The following PIKFYVE variants were observed in gnomAD, a reference collection of about 807,000 sequenced individuals.
The protein encoded by PIKFYVE is 1-phosphatidylinositol 3-phosphate 5-kinase.
In PIKFYVE, 122 loss-of-function variants were observed where a neutral mutation model predicts 257.9. The ratio of observed to expected loss-of-function variants is 0.47; its 90% confidence interval spans 0.41 to 0.55. The LOEUF (loss-of-function observed/expected upper bound fraction) is 0.55, where lower values mean the gene tolerates loss of function less well. Among genes scored for constraint, PIKFYVE ranks in the 20% least tolerant of loss-of-function variants. The probability of loss-of-function intolerance (pLI) is 0.00; values close to 1 mark genes in which losing one functional copy is unlikely to be tolerated. For synonymous variants in PIKFYVE, 892 were observed against 868.9 expected, an observed-to-expected ratio of 1.03 and a Z score of -0.47; for missense variants, 2,160 against 2,536.6, an observed-to-expected ratio of 0.85 and a Z score of 3.19.
At position 208,271,702 on chromosome 2, in the gene PIKFYVE, T is replaced by A; in HGVS notation, c.172+11T>A. The A allele has an allele frequency of 6.2e-7, 1 of 1,608,320 alleles. No homozygotes were observed. The highest frequency in any genetic ancestry group is 8.5e-7 in the Non-Finnish European group (1 of 1,174,836). Reference sequence around the variant, plus strand: ...TTCGTTTTAACAAAGGTAAGACTTATTAAAGATAAGAGGTTTGATTCAGGT... The same window carrying A: ...TTCGTTTTAACAAAGGTAAGACTTAATAAAGATAAGAGGTTTGATTCAGGT... On this transcript the variant is annotated intron_variant, in intron 2 of 41. Transcript: ENST00000264380.
At chr2:208,345,510 G>T (rs1265039192) in intron 33 of PIKFYVE, among the ~76,000 whole-genome samples, 1 of 152,032 alleles carries the variant, frequency 6.6e-6, no homozygotes, top group Non-Finnish European at 1.5e-5. Flanking sequence ...GTAAGCTCCT[G>T]CTTGACTTGG....
chr2:208,293,162 A>G (rs1343952093), intron 7 of PIKFYVE, among the ~76,000 whole-genome samples: 23 of 150,590 alleles, frequency 1.5e-4, no homozygotes, highest in Admixed American at 1.5e-3. Flanking sequence ...ATAATACTAT[A>G]CTACTTCACA....
At chr2:208,346,204 A>G in intron 34 of PIKFYVE, 57 bp downstream of exon 34, 2 of 1,391,988 alleles carry the variant, frequency 1.4e-6, no homozygotes, top group Non-Finnish European at 2.0e-6. Context: ...TTATGGTTTG[A>G]AAAAGAAAAT....
chr2:208,292,142 C>T (rs1241066915), intron 7 of PIKFYVE, among the ~76,000 whole-genome samples: 1 of 151,762 alleles, frequency 6.6e-6, no homozygotes, highest in Non-Finnish European at 1.5e-5. Flanking sequence ...TAGTTTGATT[C>T]CATGTTGGTT....
At chr2:208,338,302 A>G (rs560968151) in intron 28 of PIKFYVE, among the ~76,000 whole-genome samples, 1 of 152,294 alleles carries the variant, frequency 6.6e-6, no homozygotes, top group South Asian at 2.1e-4. Flanking sequence ...TGCACATTTA[A>G]TAACTTTCTC....
intron 9 of PIKFYVE, among the ~76,000 whole-genome samples, chr2:208,301,875 T>C (rs1323674829): frequency 6.6e-6 from 1 of 152,214 alleles, no homozygotes; most frequent in Non-Finnish European, 1.5e-5. Context: ...TATGGCTGTA[T>C]CTGTAATATT....
In PIKFYVE at chr2:208,324,912, A is replaced by C. The variant is rs1696741675; in HGVS notation, c.2333A>C (p.Gln778Pro). Residue 778 changes from glutamine (Q) to proline (P), a missense_variant and splice_region_variant, in exon 19 of 42, where the codon CAA (glutamine) becomes CCA (proline). By Grantham distance (76) the Gln-to-Pro change is moderately conservative. Coordinates refer to ENST00000264380, the MANE Select transcript of PIKFYVE (RefSeq NM_015040.4). ...GITLVINVKS[Q>P]VLERISRMTQ... ...ATACAATGTTTTTCTGTTTTGTAGC[A>C]AGTTTTGGAACGAATCAGTCGAATG... The C allele has an allele frequency of 5.0e-6, 8 of 1,613,888 alleles. No individual in the cohort carries two copies. Among genetic ancestry groups the C allele is most frequent in the Non-Finnish European group, 6.8e-6 (8 of 1,179,808 alleles).
Position 208,301,100 on chromosome 2 carries a change from C to G in PIKFYVE, c.1208+6C>G, listed in dbSNP as rs1693622350. 2 of 1,613,550 alleles carry G rather than the reference C, an allele frequency of 1.2e-6. No homozygotes were observed. Among genetic ancestry groups the G allele is most frequent in the African/African-American group, 1.3e-5 (1 of 74,910 alleles). ...AATGGGCATATTGCCACAAGGTATTCTGATCTTAGAAGGTTTCAATATTAT... is the reference window on the plus strand; with the variant it reads ...AATGGGCATATTGCCACAAGGTATTGTGATCTTAGAAGGTTTCAATATTAT... On this transcript the variant is annotated splice_donor_region_variant and intron_variant, in intron 9 of 41. Transcript: ENST00000264380.
At chr2:208,354,228 A>C (rs1481532874) in intron 40 of PIKFYVE, 69 bp downstream of exon 40, 2 of 1,522,932 alleles carry the variant, frequency 1.3e-6, no homozygotes, top group Non-Finnish European at 9.0e-7. Context: ...GATTCTATTG[A>C]ACCTGGTCTA....
Position 208,352,673 on chromosome 2 carries a change from A to G in PIKFYVE, c.5735A>G (p.Lys1912Arg), listed in dbSNP as rs764307880. Residue 1912 changes from lysine (K) to arginine (R), a missense_variant, in exon 39 of 42, where the codon AAA (lysine) becomes AGA (arginine). Transcript: ENST00000264380. ...VQQKRPTALAKILGVYRIGYK... is the reference protein window; with the variant it reads ...VQQKRPTALARILGVYRIGYK... ...GATTAGAGGCCCACGGCGTTGGCCAAAATTCTTGGAGTTTACAGAATTGGT... is the reference window on the plus strand; with the variant it reads ...GATTAGAGGCCCACGGCGTTGGCCAGAATTCTTGGAGTTTACAGAATTGGT... The G allele has an allele frequency of 1.1e-5, 17 of 1,613,794 alleles. No homozygotes were observed. The highest frequency in any genetic ancestry group is 6.6e-5 in the South Asian group (6 of 91,032).
intron 1 of PIKFYVE, among the ~76,000 whole-genome samples, chr2:208,270,469 T>C (rs1252740209): frequency 6.6e-6 from 1 of 152,226 alleles, no homozygotes; most frequent in Non-Finnish European, 1.5e-5. Flanking sequence ...ATTGCTTTGG[T>C]TGAAATATGA....
chr2:208,335,319 C>T lies in PIKFYVE; in HGVS notation c.4156C>T (p.Arg1386Trp), dbSNP rs188498825. ...TTTTCTTCTCAGTTATTCTCCCATT[C>T]GGCTTCTTGAAGTATGTGTTCCACT... ...MVASFSYSPI[R>W]LLEVCVPLPK... Residue 1386 changes from arginine (R) to tryptophan (W), a missense_variant, in exon 25 of 42, where the codon CGG (arginine) becomes TGG (tryptophan). Around this residue, in one of 12 missense-constraint regions of PIKFYVE, gnomAD observed 699 missense variants for 855.8 expected, o/e 0.82. Coordinates refer to ENST00000264380, the MANE Select transcript of PIKFYVE (RefSeq NM_015040.4). 1,052 of 1,603,660 alleles carry T rather than the reference C, an allele frequency of 6.6e-4. 5 individuals carry two copies. Among genetic ancestry groups the T allele is most frequent in the Middle Eastern group, 1.7e-3 (10 of 6,040 alleles).
chr2:208,350,696 G>A (rs937986646), intron 36 of PIKFYVE, 75 bp from the exon 37 acceptor site: 10 of 1,512,606 alleles, frequency 6.6e-6, no homozygotes, highest in Middle Eastern at 4.6e-4. Context: ...GGCCAGGGTA[G>A]GGAGTGAGGG....
rs1700260174 is a variant in PIKFYVE, at chr2:208,358,068, C to T, written c.*2763C>T. ...AATATTTTATAGATATTCAAAATTT[C>T]CTACAAACTATAATTTTTTCCATGA... On this transcript the variant is annotated 3_prime_UTR_variant, in exon 42 of 42. Coordinates refer to ENST00000264380, the MANE Select transcript of PIKFYVE (RefSeq NM_015040.4). The T allele has an allele frequency of 6.6e-6, 1 of 152,272 alleles. No individual in the cohort carries two copies. The highest frequency in any genetic ancestry group is 1.9e-4 in the East Asian group (1 of 5,190). 9.4% of individuals were successfully genotyped at this position (152,272 alleles called of 1,614,324 possible). A position where few individuals can be genotyped will look rare whatever the true frequency, so the allele number is the denominator to read the frequency against.
intron 31 of PIKFYVE, among the ~76,000 whole-genome samples, chr2:208,340,949 G>A (rs998201196): frequency 6.6e-6 from 1 of 151,826 alleles, no homozygotes; most frequent in Non-Finnish European, 1.5e-5. Flanking sequence ...TCTTGATTGG[G>A]CTTGGATCCC....
Position 208,315,207 on chromosome 2 carries a change from A to C in PIKFYVE, c.1841A>C (p.Asn614Thr). 1 of 1,613,822 alleles carries C rather than the reference A, an allele frequency of 6.2e-7. No homozygotes were observed. Among genetic ancestry groups the C allele is most frequent in the Non-Finnish European group, 8.5e-7 (1 of 1,179,728 alleles). The change falls in exon 15 of 42, where the codon AAC becomes ACC. Residue 614 changes from asparagine (N) to threonine (T), a missense_variant. By Grantham distance (65) the Asn-to-Thr change is moderately conservative. Coordinates refer to ENST00000264380, the MANE Select transcript of PIKFYVE (RefSeq NM_015040.4). ...TATTTTTGTAGTTCAGCTAATCATAACCACATGATGGCACTACTCCAGCAG... is the reference window on the plus strand; with the variant it reads ...TATTTTTGTAGTTCAGCTAATCATACCCACATGATGGCACTACTCCAGCAG... ...AMERLLSANH[N>T]HMMALLQQLL...
chr2:208,318,209 G>T (rs1483643995), intron 16 of PIKFYVE, among the ~76,000 whole-genome samples: 1 of 152,198 alleles, frequency 6.6e-6, no homozygotes, highest in Non-Finnish European at 1.5e-5. Flanking sequence ...TAAGATACTG[G>T]CATTATTTAT....
chr2:208,326,552 A>ATTTTTGTTTT (rs1286124941), intron 20 of PIKFYVE, 123 bp downstream of exon 20: 1 of 1,096,148 alleles, frequency 9.1e-7, no homozygotes, highest in Non-Finnish European at 1.4e-6. Flanking sequence ...TTCTTCTCCT[A>ATTTTTGTTTT]TGCTATTTTT....
chr2:208,287,577 G>A (rs1691751170), intron 6 of PIKFYVE, among the ~76,000 whole-genome samples: 1 of 151,582 alleles, frequency 6.6e-6, no homozygotes, highest in African/African-American at 2.4e-5. Context: ...CCTGGCCAGA[G>A]TTTCTTTTTC....
Sources: gnomAD v4.1 joint callset for allele counts (sites outside exome capture counted in the v4.1 genomes callset) on GRCh38, gnomAD v4.1.1 for gene constraint, gnomAD v4.1.1 regional missense constraint, MANE v1.5 for transcripts, NCBI Gene and HGNC (gene_info 2026-07-23, HGNC 2026-07-21) for gene names.